Variants in GLE1 observed in about 807,000 individuals in gnomAD.
The protein encoded by GLE1 is mRNA export factor GLE1.
In GLE1, 78 loss-of-function variants were observed where a neutral mutation model predicts 97.3. The ratio of observed to expected loss-of-function variants is 0.80; its 90% CI spans 0.67 to 0.97. The LOEUF is 0.97. Ranked by LOEUF, GLE1 falls within the 50% of genes least tolerant of loss-of-function variation. The pLI, the probability that GLE1 is intolerant of heterozygous loss-of-function variation, is 0.00. For synonymous variants in GLE1, 302 were observed against 313.4 expected, an observed-to-expected ratio of 0.96 and a Z score of 0.39; for missense variants, 753 against 857.5, an observed-to-expected ratio of 0.88 and a Z score of 1.52.
At chr9:128,512,896 G>A (rs1434547362) in intron 2 of GLE1, among the ~76,000 whole-genome samples, 1 of 152,084 alleles carries the variant, frequency 6.6e-6, no homozygotes, top group African/African-American at 2.4e-5. Flanking sequence ...TGATCCACCC[G>A]CCTTGGCCTC....
chr9:128,515,517 C>G lies in GLE1; in HGVS notation c.322-12C>G. On this transcript the variant is annotated splice_polypyrimidine_tract_variant and intron_variant, in intron 2 of 15. Coordinates refer to ENST00000309971, the MANE Select transcript of GLE1 (RefSeq NM_001003722.2). ...TATTTTTTAATTATTTTTCCATTTT[C>G]TGCTCATATAGGGCAAAGATGAGTC... 2.1e-6 allele frequency: 3 copies of G among 1,410,946 alleles called. No homozygotes were observed. Among genetic ancestry groups the G allele is most frequent in the Non-Finnish European group, 3.0e-6 (3 of 994,982 alleles). 87.4% of individuals were successfully genotyped at this position (1,410,946 alleles called of 1,614,324 possible). A position where few individuals can be genotyped will look rare whatever the true frequency, so the allele number is the denominator to read the frequency against.
chr9:128,530,044 C>G (rs1332503384), intron 9 of GLE1, among the ~76,000 whole-genome samples: 2 of 152,178 alleles, frequency 1.3e-5, no homozygotes, highest in African/African-American at 4.8e-5. Flanking sequence ...GATCTGCCCA[C>G]CTCGGCCTCC....
chr9:128,506,297 A>G (rs1846639179), intron 1 of GLE1, among the ~76,000 whole-genome samples: 1 of 152,122 alleles, frequency 6.6e-6, no homozygotes, highest in Non-Finnish European at 1.5e-5. Context: ...GTGAGCCGAG[A>G]TTGTGCTGCT....
rs554710670 is a variant in GLE1 at position 128,537,317 on chromosome 9, GTGGTGGGCACC to G, written c.1777-666_1777-656del. Among the ~76,000 whole-genome samples, 60 of 151,850 alleles carry G rather than the reference GTGGTGGGCACC, an allele frequency of 4.0e-4. No individual in the cohort carries two copies. In the South Asian group the frequency reaches 0.012, roughly 30 times the overall value. On this transcript the variant is annotated intron_variant, in intron 12 of 15. Transcript: ENST00000309971. ...AAAATACAAAAATTAGCTGGGCATGGTGGTGGGCACCTGTAATTCCAGCTACTTGGGAGGCT... is the reference window on the plus strand; with the variant it reads ...AAAATACAAAAATTAGCTGGGCATGGTGTAATTCCAGCTACTTGGGAGGCT...
Position 128,527,512 on chromosome 9 carries a change from C to T in GLE1, c.1299C>T (p.Ile433=), listed in dbSNP as rs756930292. Residue 433 remains isoleucine (I), a synonymous_variant, in exon 9 of 16, where the codon ATC becomes ATT. Transcript: ENST00000309971. The part of the protein sequence containing the change: ...QKAATIPVSQ[I]STIAGSKLKE... ...CTGCTACCATCCCAGTGAGCCAAAT[C>T]TCTACCATTGCAGGTTGGTCAGAGG... The T allele has an allele frequency of 3.0e-5, 48 of 1,608,574 alleles. No individual in the cohort carries two copies. Among genetic ancestry groups the T allele is most frequent in the Non-Finnish European group, 3.9e-5 (46 of 1,175,088 alleles).
intron 9 of GLE1, among the ~76,000 whole-genome samples, chr9:128,530,743 A>T (rs1847472262): frequency 1.3e-5 from 2 of 151,520 alleles, no homozygotes; most frequent in African/African-American, 4.9e-5. Context: ...CCCTGTCTCT[A>T]CTAAAAATAC....
At chr9:128,507,987 C>T (rs1443176993) in intron 1 of GLE1, among the ~76,000 whole-genome samples, 3 of 152,116 alleles carry the variant, frequency 2.0e-5, no homozygotes, top group Non-Finnish European at 4.4e-5. Context: ...CGAGACCAGC[C>T]TGACTAACAT....
Position 128,509,359 on chromosome 9 carries a change from C to G in GLE1, c.321+262C>G, listed in dbSNP as rs537823546. Among the ~76,000 whole-genome samples the G allele has an allele frequency of 4.6e-5, 7 of 150,640 alleles. No individual in the cohort carries two copies. The South Asian group carries it at 1.5e-3, about 32-fold the overall frequency. On this transcript the variant is annotated intron_variant, in intron 2 of 15. Coordinates refer to ENST00000309971, the MANE Select transcript of GLE1 (RefSeq NM_001003722.2). Reference sequence around the variant, plus strand: ...GATTTTTTTTTTTTTCTGATGAACGCTGCGTCTGTTTAACTGATATGGTCT... The same window carrying G: ...GATTTTTTTTTTTTTCTGATGAACGGTGCGTCTGTTTAACTGATATGGTCT...
intron 2 of GLE1, among the ~76,000 whole-genome samples, chr9:128,512,743 C>T (rs963884774): frequency 2.6e-5 from 4 of 151,924 alleles, no homozygotes; most frequent in Non-Finnish European, 4.4e-5. Flanking sequence ...TCTCGACTCA[C>T]TGCAACCCCA....
Position 128,538,051 on chromosome 9 carries a change from G to A in GLE1, c.1842G>A (p.Leu614=), listed in dbSNP as rs1847773931. ...CACAGATCTTAAACATGGAGCCCTT[G>A]TCAGATGTGACAGCCACCCTCCTCT... ...WLAQILNMEP[L]SDVTATLLFD... is the part of the protein sequence containing the mutation. The change falls in exon 13 of 16, where the codon TTG becomes TTA. Residue 614 remains leucine (L), a synonymous_variant. Coordinates refer to ENST00000309971, the MANE Select transcript of GLE1 (RefSeq NM_001003722.2). 6.2e-7 allele frequency: 1 copy of A among 1,611,848 alleles called. No individual in the cohort carries two copies. Among genetic ancestry groups the A allele is most frequent in the Non-Finnish European group, 8.5e-7 (1 of 1,178,044 alleles).
intron 3 of GLE1, 100 bp from the exon 4 acceptor site, chr9:128,522,568 T>C: frequency 7.5e-7 from 1 of 1,332,376 alleles, no homozygotes; most frequent in Non-Finnish European, 1.0e-6. Context: ...CAAGAATCGC[T>C]TGAACCCGGG....
At chr9:128,513,326 A>G (rs1846878788) in intron 2 of GLE1, among the ~76,000 whole-genome samples, 1 of 152,044 alleles carries the variant, frequency 6.6e-6, no homozygotes, top group Non-Finnish European at 1.5e-5. Context: ...GTTGAGATAG[A>G]TTAGGTGGCA....
At chr9:128,539,925 G>A in intron 14 of GLE1, 1 of 1,302,328 alleles carries the variant, frequency 7.7e-7, no homozygotes, top group Non-Finnish European at 1.0e-6. Context: ...CACAAATTAG[G>A]GGCTGAGCAC....
rs1323385989 is a variant in GLE1 at position 128,520,326 on chromosome 9, G to A, written c.433-2342G>A. Among the ~76,000 whole-genome samples, 6 of 147,082 alleles carry A rather than the reference G, an allele frequency of 4.1e-5. No homozygotes were observed. In the Admixed American group the frequency reaches 4.1e-4, roughly 10 times the overall value. ...TGTATATATGTGTATATATGTATAT[G>A]TGTGTATATGTGTATATGTGTATAT... On this transcript the variant is annotated intron_variant, in intron 3 of 15. Transcript: ENST00000309971.
At chr9:128,539,253 C>T (rs1156634696) in intron 13 of GLE1, among the ~76,000 whole-genome samples, 1 of 152,026 alleles carries the variant, frequency 6.6e-6, no homozygotes, top group Non-Finnish European at 1.5e-5. Flanking sequence ...TAAAAAGCTC[C>T]TGAAGTCACC....
chr9:128,523,768 G>C lies in GLE1; in HGVS notation c.819G>C (p.Lys273Asn), dbSNP rs1156386527. Reference protein sequence around the residue: ...DASEQHKALLKVDLAAFQTRG... With the variant: ...DASEQHKALLNVDLAAFQTRG... ...CTGAGCAGCACAAAGCCCTGCTTAA[G>C]GTCGACCTGGCTGCCTTCCAGACCC... is the stretch of plus-strand genomic sequence containing the variant. The change falls in exon 6 of 16, where the codon AAG (lysine) becomes AAC (asparagine). Residue 273 changes from lysine to asparagine, a missense_variant. Physicochemically the swap from Lys to Asn is moderately conservative, Grantham distance 94 (BLOSUM62 0). Transcript: ENST00000309971. The C allele has an allele frequency of 1.9e-6, 3 of 1,613,932 alleles. No individual in the cohort carries two copies. The highest frequency in any genetic ancestry group is 2.7e-5 in the African/African-American group (2 of 74,912).
chr9:128,519,405 A>ATGGGGG (rs1222557532), intron 3 of GLE1, among the ~76,000 whole-genome samples: 2 of 152,212 alleles, frequency 1.3e-5, no homozygotes, highest in Non-Finnish European at 2.9e-5. Context: ...GGGAAGGAGA[A>ATGGGGG]TACGCGCCTG....
chr9:128,508,826 C>T, intron 1 of GLE1, 50 bp from the exon 2 acceptor site: 1 of 1,057,572 alleles, frequency 9.5e-7, no homozygotes, highest in East Asian at 2.4e-5. Flanking sequence ...GTGGATTATA[C>T]TGAGAACAGT....
chr9:128,527,579 G>C, intron 9 of GLE1, 54 bp downstream of exon 9: 7 of 1,042,830 alleles, frequency 6.7e-6, no homozygotes, highest in Non-Finnish European at 1.1e-5. Context: ...TTATCTTTCA[G>C]ACTCCAAATC....
Sources: gnomAD v4.1 joint callset for allele counts (sites outside exome capture counted in the v4.1 genomes callset) on GRCh38, gnomAD v4.1.1 for gene constraint, MANE v1.5 for transcripts, NCBI Gene and HGNC (gene_info 2026-07-23, HGNC 2026-07-21) for gene names.